PDZD2: variants seen among roughly 807,000 people sequenced by gnomAD.
The protein encoded by PDZD2 is PDZ domain-containing protein 2.
In PDZD2, 90 loss-of-function variants were observed where a neutral mutation model predicts 220.7. The observed-to-expected ratio is 0.41, with a 90% CI of 0.34 to 0.49. The LOEUF is 0.49. Among genes scored for constraint, PDZD2 ranks in the 20% least tolerant of loss-of-function variants. The pLI is 0.28. For missense variants in PDZD2, 3,174 were observed against 3,608.5 expected (o/e 0.88, Z 3.08); for synonymous variants, 1,375 against 1,450.5 (o/e 0.95, Z 1.18).
chr5:31,922,818 G>A (rs183237075), intron 2 of PDZD2, among the ~76,000 whole-genome samples: 150 of 152,160 alleles, frequency 9.9e-4, no homozygotes, highest in Non-Finnish European at 1.9e-3. Context: ...AGCTGGGACC[G>A]TAGGCATGCA....
intron 2 of PDZD2, chr5:31,855,094 G>A: frequency 1.0e-6 from 1 of 985,460 alleles, no homozygotes; most frequent in Non-Finnish European, 1.2e-6. Flanking sequence ...GGATTACCCG[G>A]CGCCCAGCTG....
At chr5:32,077,955 CAAAA>C (rs60262313) in intron 19 of PDZD2, 1 of 123,470 alleles carries the variant, frequency 8.1e-6, no homozygotes, top group Non-Finnish European at 1.6e-5. Context: ...AAGACTCTGT[CAAAA>C]AAAAAAGAAA....
At position 31,948,864 on chromosome 5, in the gene PDZD2, C is replaced by A. The variant is rs983740280; in HGVS notation, c.477-34291C>A. 1.5e-3 allele frequency among the ~76,000 whole-genome samples: 227 copies of A among 151,946 alleles called. 1 individual carries two copies. Among genetic ancestry groups the A allele is most frequent in the African/African-American group, 5.3e-3 (218 of 41,454 alleles). ...CTGTAATCCCAGCACTTTGGGAGGC[C>A]AAGGAGGGTGGATCGCCTGAGGTTA... On this transcript the variant is annotated intron_variant, in intron 2 of 24. Transcript: ENST00000438447.
intron 2 of PDZD2, among the ~76,000 whole-genome samples, chr5:31,850,098 G>GTA (rs10669646): frequency 0.073 from 9,992 of 137,002 alleles, 538 homozygotes; most frequent in Middle Eastern, 0.12. Context: ...ATATATACGT[G>GTA]TATATATAAG....
chr5:32,024,598 G>A (rs1030360400), intron 6 of PDZD2, among the ~76,000 whole-genome samples: 1 of 151,640 alleles, frequency 6.6e-6, no homozygotes, highest in African/African-American at 2.4e-5. Context: ...CAGGAGAATC[G>A]CATGAATCCG....
intron 1 of PDZD2, among the ~76,000 whole-genome samples, chr5:31,725,128 C>T (rs1749044782): frequency 6.6e-6 from 1 of 151,724 alleles, no homozygotes; most frequent in South Asian, 2.1e-4. Context: ...GTCAAGAGTT[C>T]GAGACCAGCC....
intron 1 of PDZD2, among the ~76,000 whole-genome samples, chr5:31,686,419 C>A (rs1373994222): frequency 6.6e-6 from 1 of 151,668 alleles, no homozygotes; most frequent in Non-Finnish European, 1.5e-5. Context: ...GGCTGGAGGG[C>A]AATGGCGTGA....
intron 20 of PDZD2, among the ~76,000 whole-genome samples, chr5:32,092,432 C>T (rs1006889997): frequency 6.8e-6 from 1 of 147,962 alleles, no homozygotes; most frequent in Non-Finnish European, 1.5e-5. Flanking sequence ...ATTAGCCAGG[C>T]GTGGTGGCAG....
rs35119904 is a variant in PDZD2, at chr5:31,730,554, TTGTGTG to T, written c.-360-68302_-360-68297del. On this transcript the variant is annotated intron_variant, in intron 1 of 24. Transcript: ENST00000438447. The stretch of plus-strand genomic sequence containing the variant: ...TCCAGGAAACCAAGCCACCAGGAGT[TTGTGTG>T]TGTGTGTGTGTGTGTGTGTGTGTGT... 7.6e-4 allele frequency among the ~76,000 whole-genome samples: 107 copies of T among 140,504 alleles called. 2 individuals carry two copies. The highest frequency in any genetic ancestry group is 3.8e-3 in the Admixed American group (54 of 14,038). 92.2% of individuals were successfully genotyped at this position (140,504 alleles called of 152,430 possible).
At chr5:31,986,258 C>T (rs1056845785) in intron 3 of PDZD2, among the ~76,000 whole-genome samples, 1 of 151,956 alleles carries the variant, frequency 6.6e-6, no homozygotes, top group African/African-American at 2.4e-5. Flanking sequence ...AAGCCGCATG[C>T]CTATAGAAAG....
At chr5:31,768,252 C>A (rs1752141903) in intron 1 of PDZD2, among the ~76,000 whole-genome samples, 2 of 152,208 alleles carry the variant, frequency 1.3e-5, no homozygotes, top group South Asian at 4.1e-4. Context: ...GGCGAGCAGG[C>A]AGCTTGCAAC....
At chr5:31,842,698 TA>T (rs1757380307) in intron 2 of PDZD2, among the ~76,000 whole-genome samples, 1 of 152,192 alleles carries the variant, frequency 6.6e-6, no homozygotes, top group Non-Finnish European at 1.5e-5. Flanking sequence ...GATAGCCAGA[TA>T]AAAGTGATGA....
intron 10 of PDZD2, among the ~76,000 whole-genome samples, chr5:32,054,312 CT>C (rs57135705): frequency 1.2e-4 from 8 of 69,332 alleles, no homozygotes; most frequent in Admixed American, 1.1e-3. Flanking sequence ...AAATGAACAT[CT>C]TTTTTTTTTT....
intron 2 of PDZD2, among the ~76,000 whole-genome samples, chr5:31,938,012 T>C (rs530116272): frequency 6.6e-6 from 1 of 152,342 alleles, no homozygotes; most frequent in East Asian, 1.9e-4. Flanking sequence ...AGGACAGAGA[T>C]AGTGACCCAC....
intron 2 of PDZD2, among the ~76,000 whole-genome samples, chr5:31,824,535 G>A (rs1031489133): frequency 1.3e-5 from 2 of 152,104 alleles, no homozygotes; most frequent in African/African-American, 4.8e-5. Context: ...GGAGGAAGGT[G>A]GGGTGAGTGT....
At chr5:31,855,166 G>T in intron 2 of PDZD2, 2 of 964,824 alleles carry the variant, frequency 2.1e-6, no homozygotes, top group South Asian at 9.6e-5. Flanking sequence ...TTCAGAACTG[G>T]AGGTAGGAAA....
At chr5:31,993,443 A>G (rs1751392150) in intron 3 of PDZD2, among the ~76,000 whole-genome samples, 1 of 152,174 alleles carries the variant, frequency 6.6e-6, no homozygotes, top group Non-Finnish European at 1.5e-5. Flanking sequence ...AGACATTCCT[A>G]TTGCTGCACA....
In PDZD2 at chr5:32,092,897, T is replaced by C. The variant is rs747870033; in HGVS notation, c.7728-10T>C. 2.3e-6 allele frequency: 3 copies of C among 1,325,096 alleles called. No homozygotes were observed. The highest frequency in any genetic ancestry group is 3.9e-5 in the Admixed American group (2 of 51,116). 82.1% of individuals were successfully genotyped at this position (1,325,096 alleles called of 1,614,324 possible). On this transcript the variant is annotated splice_polypyrimidine_tract_variant and intron_variant, in intron 20 of 24. Coordinates refer to ENST00000438447, the MANE Select transcript of PDZD2 (RefSeq NM_178140.4). The stretch of plus-strand genomic sequence containing the variant: ...CTTTAATGTTCTTCAAATATATTTA[T>C]ATTATTTAGTTTGGATCAACTTCTA...
chr5:31,788,837 G>A (rs1281396112), intron 1 of PDZD2, among the ~76,000 whole-genome samples: 1 of 152,168 alleles, frequency 6.6e-6, no homozygotes, highest in East Asian at 1.9e-4. Flanking sequence ...TTAAGTTTAT[G>A]TGTGCTTTCA....
Sources: gnomAD v4.1 joint callset for allele counts (sites outside exome capture counted in the v4.1 genomes callset) on GRCh38, gnomAD v4.1.1 for gene constraint, MANE v1.5 for transcripts, NCBI Gene and HGNC (gene_info 2026-07-23, HGNC 2026-07-21) for gene names.